Variants in TNRC6A observed in about 807,000 individuals in gnomAD.
TNRC6A encodes the protein trinucleotide repeat containing adaptor 6A, also known as trinucleotide repeat-containing gene 6A protein.
A neutral mutation model predicts 221.2 loss-of-function variants in TNRC6A; 44 were observed. That is an observed-to-expected ratio of 0.20 (90% CI 0.16 to 0.26). The LOEUF (loss-of-function observed/expected upper bound fraction) is 0.26, where lower values mean the gene tolerates loss of function less well. Ranked by LOEUF, TNRC6A falls within the 10% of genes least tolerant of loss-of-function variation. The pLI is 1.00. For missense variants in TNRC6A, 2,199 were observed against 2,404.4 expected, an observed-to-expected ratio of 0.91 and a Z score of 1.79; for synonymous variants, 847 against 838.5, an observed-to-expected ratio of 1.01 and a Z score of -0.18.
At chr16:24,802,830 C>T (rs1161427704) in intron 11 of TNRC6A, among the ~76,000 whole-genome samples, 2 of 152,120 alleles carry the variant, frequency 1.3e-5, no homozygotes, top group Admixed American at 1.3e-4. Flanking sequence ...GAAGAGAAAC[C>T]AGAATGGACA....
chr16:24,770,517 G>A (rs1336068946), intron 4 of TNRC6A, among the ~76,000 whole-genome samples: 1 of 152,128 alleles, frequency 6.6e-6, no homozygotes, highest in Non-Finnish European at 1.5e-5. Flanking sequence ...GTATTCTGTT[G>A]GGCCTGTTGA....
intron 1 of TNRC6A, among the ~76,000 whole-genome samples, chr16:24,610,853 C>T (rs1567295694): frequency 1.3e-5 from 2 of 152,104 alleles, no homozygotes; most frequent in Non-Finnish European, 2.9e-5. Context: ...CTCCGTCGCC[C>T]AGGCTGGAGT....
intron 1 of TNRC6A, among the ~76,000 whole-genome samples, chr16:24,632,780 G>A (rs566829367): frequency 3.9e-5 from 6 of 152,168 alleles, no homozygotes; most frequent in South Asian, 2.1e-4. Flanking sequence ...AGGCCGAGGC[G>A]GGCAGATCAC....
chr16:24,628,766 G>A (rs567785884), intron 1 of TNRC6A, among the ~76,000 whole-genome samples: 1 of 152,252 alleles, frequency 6.6e-6, no homozygotes, highest in East Asian at 1.9e-4. Context: ...TTTTTGGGGA[G>A]TCAAAAGTTA....
At chr16:24,716,969 GA>G (rs61090241) in intron 2 of TNRC6A, among the ~76,000 whole-genome samples, 12,452 of 107,236 alleles carry the variant, frequency 0.12, 1,229 homozygotes, top group East Asian at 0.37. Flanking sequence ...AAAAAAAAAA[GA>G]AAAAAAAAAA....
intron 4 of TNRC6A, among the ~76,000 whole-genome samples, chr16:24,768,122 A>T (rs1006744747): frequency 6.6e-6 from 1 of 152,160 alleles, no homozygotes; most frequent in African/African-American, 2.4e-5. Context: ...AGGCAATCTG[A>T]ATTTTTTTCT....
At chr16:24,822,721 C>T (rs952730194) in intron 23 of TNRC6A, among the ~76,000 whole-genome samples, 153 bp from the exon 24 acceptor site, 12 of 152,140 alleles carry the variant, frequency 7.9e-5, no homozygotes, top group Non-Finnish European at 1.5e-4. Context: ...TGGCTCTGCA[C>T]CCCGTCAGAG....
intron 22 of TNRC6A, chr16:24,821,844 G>T: frequency 1.8e-6 from 1 of 557,722 alleles, no homozygotes; most frequent in Non-Finnish European, 3.2e-6. Flanking sequence ...CTCCTCTGTG[G>T]TGAACTGGGA....
chr16:24,797,678 G>T, intron 10 of TNRC6A, 108 bp downstream of exon 10: 2 of 1,035,718 alleles, frequency 1.9e-6, no homozygotes, highest in Non-Finnish European at 2.7e-6. Context: ...CCTTAGGAAT[G>T]TACTTGATGT....
intron 7 of TNRC6A, among the ~76,000 whole-genome samples, 159 bp downstream of exon 7, chr16:24,793,808 C>T (rs145155278): frequency 2.4e-4 from 36 of 152,272 alleles, no homozygotes; most frequent in Non-Finnish European, 4.3e-4. Flanking sequence ...GATTTTGTAA[C>T]GTGGTTTATT....
At chr16:24,629,500 C>T (rs933406479) in intron 1 of TNRC6A, among the ~76,000 whole-genome samples, 8 of 152,030 alleles carry the variant, frequency 5.3e-5, no homozygotes, top group Admixed American at 1.3e-4. Context: ...CTCACCATTC[C>T]GCTTAGAGCA....
Position 24,789,620 on chromosome 16 carries a change from C to A in TNRC6A, c.978C>A (p.Val326=). 6.2e-7 allele frequency: 1 copy of A among 1,614,082 alleles called. No individual in the cohort carries two copies. The highest frequency in any genetic ancestry group is 8.5e-7 in the Non-Finnish European group (1 of 1,180,026). Reference sequence around the variant, plus strand: ...GAGCCATAATAAGCACATGTCAGGTCTCTGTGGATGCTCCTGAAAGCAAAT... The same window carrying A: ...GAGCCATAATAAGCACATGTCAGGTATCTGTGGATGCTCCTGAAAGCAAAT... ...SHGAIISTCQ[V]SVDAPESKSE... Residue 326 remains valine (V), a synonymous_variant, in exon 6 of 25, where the codon GTC becomes GTA. Coordinates refer to ENST00000395799, the MANE Select transcript of TNRC6A (RefSeq NM_014494.4).
intron 2 of TNRC6A, among the ~76,000 whole-genome samples, chr16:24,709,718 G>A (rs910465251): frequency 1.3e-5 from 2 of 151,232 alleles, no homozygotes; most frequent in African/African-American, 4.9e-5. Flanking sequence ...CCTGCTATGC[G>A]GGAGGCTGAG....
intron 1 of TNRC6A, among the ~76,000 whole-genome samples, chr16:24,631,603 C>T (rs1901342651): frequency 6.6e-6 from 1 of 152,030 alleles, no homozygotes; most frequent in Admixed American, 6.6e-5. Flanking sequence ...AAAACTGCAT[C>T]TCCACTAAAA....
In TNRC6A at chr16:24,639,321, A is replaced by G. The variant is rs1248655993; in HGVS notation, n.277-1563A>G. 2.0e-5 allele frequency among the ~76,000 whole-genome samples: 3 copies of G among 152,052 alleles called. No individual in the cohort carries two copies. In the East Asian group the frequency reaches 5.8e-4, roughly 29 times the overall value. On this transcript the variant is annotated intron_variant and non_coding_transcript_variant, in intron 1 of 2. Transcript: ENST00000566108. ...ATGACATATCAAAAAACTTGTCTCT[A>G]TAAAAAATTTAAAAAAAGAAAATTA... is the stretch of plus-strand genomic sequence containing the variant.
chr16:24,814,803 C>G (rs1365211706), intron 18 of TNRC6A, among the ~76,000 whole-genome samples: 2 of 152,114 alleles, frequency 1.3e-5, no homozygotes, highest in Non-Finnish European at 2.9e-5. Flanking sequence ...TAGCCATCAC[C>G]ACAATCCATT....
intron 2 of TNRC6A, among the ~76,000 whole-genome samples, chr16:24,724,025 G>T (rs568386015): frequency 1.3e-5 from 2 of 151,972 alleles, no homozygotes; most frequent in Non-Finnish European, 2.9e-5. Context: ...TTTTATTATG[G>T]TTACTTTTAT....
chr16:24,673,675 C>T (rs2055350788), intron 2 of TNRC6A, among the ~76,000 whole-genome samples: 1 of 152,170 alleles, frequency 6.6e-6, no homozygotes. Flanking sequence ...ACCCTCCCAC[C>T]TCAGCCTCCC....
chr16:24,760,466 G>GGAAGT (rs2057339267), intron 4 of TNRC6A, among the ~76,000 whole-genome samples: 1 of 152,174 alleles, frequency 6.6e-6, no homozygotes, highest in African/African-American at 2.4e-5. Flanking sequence ...CTCTGTAGAT[G>GGAAGT]ATAGGCTGAG....
Sources: allele counts gnomAD v4.1 joint callset (sites outside exome capture counted in the v4.1 genomes callset), GRCh38; gene constraint gnomAD v4.1.1; transcripts MANE v1.5; gene names NCBI Gene and HGNC (gene_info 2026-07-23, HGNC 2026-07-21).